The following ARK2N variants were observed in gnomAD, a reference collection of about 807,000 sequenced individuals.
ARK2N encodes protein ARK2N.
At chr18:46,195,367 C>T in the ARK2N span, among the ~76,000 whole-genome samples, 1 of 144,456 alleles carries the variant, frequency 6.9e-6, no homozygotes, top group African/African-American at 2.6e-5. Flanking sequence ...TTTCTGGGAG[C>T]AAGCAATCCT....
At chr18:46,194,476 T>G in the ARK2N span, among the ~76,000 whole-genome samples, 9 of 149,930 alleles carry the variant, frequency 6.0e-5, no homozygotes, top group African/African-American at 1.5e-4. Context: ...GTTTTTTTTT[T>G]TGTTTGTTTT....
At chr18:46,218,586 A>G in the ARK2N span, 1 of 152,166 alleles carries the variant, frequency 6.6e-6, no homozygotes, top group Admixed American at 6.5e-5. Context: ...GGAACAACTT[A>G]GAGTTCAAAT....
chr18:46,217,903 A>G, the ARK2N span: 1 of 152,198 alleles, frequency 6.6e-6, no homozygotes, highest in Admixed American at 6.5e-5. Context: ...GTTCTAAGGC[A>G]GGTTTTAGGT....
the ARK2N span, among the ~76,000 whole-genome samples, chr18:46,202,612 A>G: frequency 6.6e-6 from 1 of 151,758 alleles, no homozygotes; most frequent in Non-Finnish European, 1.5e-5. Context: ...ACGTAGCGAA[A>G]CCCCGTCTCT....
At chr18:46,247,327 G>C in the ARK2N span, among the ~76,000 whole-genome samples, 3 of 152,202 alleles carry the variant, frequency 2.0e-5, no homozygotes, top group Non-Finnish European at 2.9e-5. Flanking sequence ...GTGAAGACTG[G>C]TTATTCAGAA....
At chr18:46,251,830 G>A in the ARK2N span, among the ~76,000 whole-genome samples, 39 of 152,166 alleles carry the variant, frequency 2.6e-4, no homozygotes, top group African/African-American at 8.4e-4. Context: ...TATAAAAATT[G>A]TAAGCCTTGG....
At chr18:46,210,475 G>A in the ARK2N span, among the ~76,000 whole-genome samples, 5 of 152,172 alleles carry the variant, frequency 3.3e-5, no homozygotes, top group African/African-American at 1.2e-4. Flanking sequence ...ATTTGAATAT[G>A]ATGTGATTGT....
At chr18:46,193,621 CAG>C in the ARK2N span, among the ~76,000 whole-genome samples, 60 of 107,884 alleles carry the variant, frequency 5.6e-4, 3 homozygotes, top group East Asian at 3.1e-4. Context: ...TTTTTAATGA[CAG>C]AGTCTTGCTC....
chr18:46,236,839 T>C, the ARK2N span, among the ~76,000 whole-genome samples: 3 of 150,198 alleles, frequency 2.0e-5, no homozygotes, highest in Admixed American at 2.0e-4. Context: ...TGTTTTTTTT[T>C]TGTTGTTGTT....
the ARK2N span, among the ~76,000 whole-genome samples, chr18:46,238,940 C>G: frequency 2.2e-4 from 33 of 152,054 alleles, no homozygotes; most frequent in South Asian, 2.7e-3. Flanking sequence ...TCTTAAAAAC[C>G]TTAATGGAAA....
chr18:46,225,202 A>G, the ARK2N span, among the ~76,000 whole-genome samples: 1 of 152,254 alleles, frequency 6.6e-6, no homozygotes, highest in Non-Finnish European at 1.5e-5. Flanking sequence ...CACCCCATCA[A>G]GTGCTTACAT....
chr18:46,209,811 G>T, the ARK2N span, among the ~76,000 whole-genome samples: 1 of 152,102 alleles, frequency 6.6e-6, no homozygotes, highest in Admixed American at 6.5e-5. Flanking sequence ...GGCCAGGGTG[G>T]TCTTGAACCC....
At chr18:46,188,659 G>C in the ARK2N span, among the ~76,000 whole-genome samples, 1 of 152,120 alleles carries the variant, frequency 6.6e-6, no homozygotes, top group African/African-American at 2.4e-5. Context: ...AATTTTAAGT[G>C]GTTAGGGAAT....
chr18:46,178,777 G>A, the ARK2N span, among the ~76,000 whole-genome samples: 1 of 151,906 alleles, frequency 6.6e-6, no homozygotes, highest in African/African-American at 2.4e-5. Flanking sequence ...ATCTGGGTGT[G>A]GTGGCACACG....
chr18:46,187,238 C>T, the ARK2N span, among the ~76,000 whole-genome samples: 3 of 149,894 alleles, frequency 2.0e-5, no homozygotes, highest in South Asian at 2.2e-4. Context: ...GCTAAGATCG[C>T]GTCATTGCAC....
the ARK2N span, among the ~76,000 whole-genome samples, chr18:46,198,694 G>A: frequency 6.6e-6 from 1 of 152,032 alleles, no homozygotes; most frequent in South Asian, 2.1e-4. Context: ...CACCTCCCGG[G>A]TTCAAGTGAT....
chr18:46,246,299 C>T, the ARK2N span, among the ~76,000 whole-genome samples: 1 of 152,122 alleles, frequency 6.6e-6, no homozygotes, highest in Admixed American at 6.5e-5. Flanking sequence ...ATGTCAGGTT[C>T]TATACTGGAG....
At chr18:46,188,934 C>T in the ARK2N span, among the ~76,000 whole-genome samples, 4 of 151,406 alleles carry the variant, frequency 2.6e-5, no homozygotes, top group East Asian at 3.9e-4. Context: ...CAAAGTTGAC[C>T]GGGTGCGGGG....
the ARK2N span, chr18:46,215,976 T>C: frequency 6.2e-7 from 1 of 1,614,010 alleles, no homozygotes; most frequent in Admixed American, 1.7e-5. Context: ...AGGAGGAAGA[T>C]GGATCTGTAG....
Sources: gnomAD v4.1 joint callset for allele counts (sites outside exome capture counted in the v4.1 genomes callset) on GRCh38, gnomAD v4.1.1 for gene constraint, MANE v1.5 for transcripts, NCBI Gene and HGNC (gene_info 2026-07-23, HGNC 2026-07-21) for gene names.